Variants in TARS3 observed in about 807,000 individuals in gnomAD.
TARS3 encodes threonine--tRNA ligase 2, cytoplasmic.
Under a neutral mutation model 103.5 loss-of-function variants are expected in TARS3, and 94 were observed. The ratio of observed to expected loss-of-function variants is 0.91; its 90% CI spans 0.77 to 1.08. The LOEUF is 1.08. TARS3 is among the 50% of genes least tolerant of loss of function. The pLI, the probability that TARS3 is intolerant of heterozygous loss-of-function variation, is 0.00. For synonymous variants in TARS3, 416 were observed against 355.4 expected, an observed-to-expected ratio of 1.17 and a Z score of -1.92; for missense variants, 952 against 995.2, an observed-to-expected ratio of 0.96 and a Z score of 0.58.
intron 10 of TARS3, among the ~76,000 whole-genome samples, chr15:101,691,133 G>T (rs1188518724): frequency 6.6e-6 from 1 of 151,228 alleles, no homozygotes; most frequent in African/African-American, 2.4e-5. Flanking sequence ...TAGAGATGGG[G>T]TTTCACCGTA....
chr15:101,671,371 C>T (rs550444127), intron 15 of TARS3, 115 bp downstream of exon 15: 178 of 731,094 alleles, frequency 2.4e-4, no homozygotes, highest in South Asian at 3.3e-4. Flanking sequence ...ATATATATTG[C>T]GTGTATAGCA....
intron 10 of TARS3, among the ~76,000 whole-genome samples, chr15:101,694,744 C>T (rs1040994407): frequency 1.3e-5 from 2 of 152,202 alleles, no homozygotes; most frequent in South Asian, 4.1e-4. Context: ...AGAAAGCTAG[C>T]TTGCCTATGT....
chr15:101,723,157 G>A lies in TARS3; in HGVS notation c.305C>T (p.Pro102Leu). ...AAQEAGAQPP[P>L]SQSQDKDMKK... ...CATGTCCTTGTCTTGGCTTTGACTA[G>A]GAGGAGGCTGAAAGATAAATTATAA... Residue 102 changes from proline (P) to leucine (L), a missense_variant, in exon 2 of 19, where the codon CCT becomes CTT. By Grantham distance (98) the Pro-to-Leu change is moderately conservative. Transcript: ENST00000335968. 4.3e-6 allele frequency: 7 copies of A among 1,613,706 alleles called. No individual in the cohort carries two copies. The highest frequency in any genetic ancestry group is 5.9e-6 in the Non-Finnish European group (7 of 1,179,730).
rs1349806062 is a variant in TARS3 at position 101,684,092 on chromosome 15, A to T, written c.1633T>A (p.Phe545Ile). Residue 545 changes from phenylalanine to isoleucine, a missense_variant, in exon 12 of 19, where the codon TTT (phenylalanine) becomes ATT (isoleucine). Phe to Ile is a conservative substitution (Grantham distance 21). Coordinates refer to ENST00000335968, the MANE Select transcript of TARS3 (RefSeq NM_152334.3). ...TTGTTTACCTGCTCCACTGTGCAAAAAATGTGAGCATCGTCCTGCTGGAAG... is the reference window on the plus strand; with the variant it reads ...TTGTTTACCTGCTCCACTGTGCAAATAATGTGAGCATCGTCCTGCTGGAAG... ...RRFQQDDAHI[F>I]CTVEQIEEEI... 6.2e-7 allele frequency: 1 copy of T among 1,613,134 alleles called. No individual in the cohort carries two copies. The highest frequency in any genetic ancestry group is 1.7e-5 in the Admixed American group (1 of 59,876).
chr15:101,656,846 A>G (rs1372990245), intron 18 of TARS3, 76 bp downstream of exon 18: 2 of 856,542 alleles, frequency 2.3e-6, no homozygotes, highest in East Asian at 2.6e-5. Flanking sequence ...TAGTTGAACC[A>G]TATTTCTTAT....
At position 101,717,713 on chromosome 15, in the gene TARS3, G is replaced by C. The variant is rs186126862; in HGVS notation, c.567-2750C>G. On this transcript the variant is annotated intron_variant, in intron 3 of 18. Transcript: ENST00000335968. ...GTACCAGACAAATCAGCAACAAGAT[G>C]GGAGAAATCTGGGTCCCCAAAAGAC... Among the ~76,000 whole-genome samples the C allele has an allele frequency of 5.1e-3, 773 of 152,330 alleles. 5 individuals carry two copies. The highest frequency in any genetic ancestry group is 7.6e-3 in the Admixed American group (117 of 15,302).
At chr15:101,694,968 C>T (rs1434716218) in intron 10 of TARS3, among the ~76,000 whole-genome samples, 2 of 152,120 alleles carry the variant, frequency 1.3e-5, no homozygotes, top group Admixed American at 6.6e-5. Flanking sequence ...TGGCGAGTTT[C>T]GGATTTGCAA....
Position 101,654,644 on chromosome 15 carries a change from C to T in TARS3, c.2347G>A (p.Ala783Thr). 1.2e-6 allele frequency: 2 copies of T among 1,614,124 alleles called. No individual in the cohort carries two copies. Among genetic ancestry groups the T allele is most frequent in the Non-Finnish European group, 1.7e-6 (2 of 1,179,980 alleles). Residue 783 changes from alanine (A) to threonine (T), a missense_variant, in exon 19 of 19, where the codon GCC (alanine) becomes ACC (threonine). Ala to Thr is a moderately conservative substitution (Grantham distance 58). Coordinates refer to ENST00000335968, the MANE Select transcript of TARS3 (RefSeq NM_152334.3). ...KIHGEILVTS[A>T]IDKLKNLRKT... ...CTGAGATTCTTCAGTTTATCAATGGCAGAAGTTACTAAAATCTCTCCATGA... is the reference window on the plus strand; with the variant it reads ...CTGAGATTCTTCAGTTTATCAATGGTAGAAGTTACTAAAATCTCTCCATGA...
intron 5 of TARS3, among the ~76,000 whole-genome samples, 167 bp from the exon 6 acceptor site, chr15:101,709,077 G>A (rs2141441209): frequency 6.6e-6 from 1 of 152,276 alleles, no homozygotes; most frequent in South Asian, 2.1e-4. Flanking sequence ...GTCTCAGTGA[G>A]GGAGACTGGG....
intron 5 of TARS3, 53 bp downstream of exon 5, chr15:101,711,827 A>G (rs1464548399): frequency 1.5e-5 from 24 of 1,594,834 alleles, no homozygotes; most frequent in Non-Finnish European, 1.7e-6. Context: ...TAACCATTAC[A>G]GAACAATACA....
At chr15:101,666,841 T>C (rs1343945757) in intron 15 of TARS3, among the ~76,000 whole-genome samples, 1 of 152,228 alleles carries the variant, frequency 6.6e-6, no homozygotes, top group Non-Finnish European at 1.5e-5. Context: ...TATAATATAA[T>C]GTTCTCCTCC....
At chr15:101,707,202 T>A (rs1227337607) in intron 6 of TARS3, among the ~76,000 whole-genome samples, 2 of 150,860 alleles carry the variant, frequency 1.3e-5, no homozygotes, top group Non-Finnish European at 3.0e-5. Context: ...TTGGCAAGGA[T>A]GTGGAAAAAC....
At position 101,720,266 on chromosome 15, in the gene TARS3, T is replaced by C. The variant is rs576720966; in HGVS notation, c.566+860A>G. ...ATTTATTTACATGGCATTAATACAATTGTATAGAAGCTATATAATTGTATT... is the reference window on the plus strand; with the variant it reads ...ATTTATTTACATGGCATTAATACAACTGTATAGAAGCTATATAATTGTATT... On this transcript the variant is annotated intron_variant, in intron 3 of 18. Coordinates refer to ENST00000335968, the MANE Select transcript of TARS3 (RefSeq NM_152334.3). Among the ~76,000 whole-genome samples the C allele has an allele frequency of 9.2e-5, 14 of 152,328 alleles. No individual in the cohort carries two copies. In the South Asian group the frequency reaches 2.7e-3, roughly 29 times the overall value.
At chr15:101,684,334 T>C (rs1262736513) in intron 11 of TARS3, 97 bp from the exon 12 acceptor site, 4 of 1,202,256 alleles carry the variant, frequency 3.3e-6, no homozygotes, top group Non-Finnish European at 4.4e-6. Context: ...TCAAGATTCA[T>C]AAACTCCTTA....
At chr15:101,691,290 ATATT>A (rs1216920116) in intron 10 of TARS3, among the ~76,000 whole-genome samples, 15 of 136,436 alleles carry the variant, frequency 1.1e-4, no homozygotes, top group South Asian at 2.6e-4. Flanking sequence ...ATATATATAT[ATATT>A]TTTGAAACAG....
intron 9 of TARS3, 115 bp from the exon 10 acceptor site, chr15:101,701,299 C>A: frequency 1.8e-6 from 1 of 551,102 alleles, no homozygotes; most frequent in Non-Finnish European, 3.1e-6. Flanking sequence ...CATTCCAAGG[C>A]CATTCAACAC....
intron 15 of TARS3, among the ~76,000 whole-genome samples, chr15:101,670,869 G>A (rs561553933): frequency 2.0e-5 from 3 of 152,184 alleles, no homozygotes; most frequent in South Asian, 2.1e-4. Flanking sequence ...ACTGTGCTAC[G>A]TGAAAGAAGC....
At position 101,683,957 on chromosome 15, in the gene TARS3, G is replaced by T; in HGVS notation, c.1650+118C>A. The T allele has an allele frequency of 4.2e-6, 4 of 952,756 alleles. No individual in the cohort carries two copies. The East Asian group carries it at 8.5e-5, about 20-fold the overall frequency. 59.0% of individuals were successfully genotyped at this position (952,756 alleles called of 1,614,324 possible). On this transcript the variant is annotated intron_variant, in intron 12 of 18. Coordinates refer to ENST00000335968, the MANE Select transcript of TARS3 (RefSeq NM_152334.3). ...GAATCACAGCAGGTTAGAGCTGAAT[G>T]AATCTCAGAGACTAGACCAAACGTC...
chr15:101,685,887 A>C lies in TARS3; in HGVS notation c.1487+9T>G. On this transcript the variant is annotated intron_variant, in intron 11 of 18. Coordinates refer to ENST00000335968, the MANE Select transcript of TARS3 (RefSeq NM_152334.3). ...TCATGAAAAGGTCTGCTTCGCTTTT[A>C]ATACTCACCAGTGCCCTGGACAATT... The C allele has an allele frequency of 1.2e-6, 2 of 1,610,672 alleles. No individual in the cohort carries two copies. The highest frequency in any genetic ancestry group is 8.5e-7 in the Non-Finnish European group (1 of 1,177,912).
Sources: gnomAD v4.1 joint callset for allele counts (sites outside exome capture counted in the v4.1 genomes callset) on GRCh38, gnomAD v4.1.1 for gene constraint, MANE v1.5 for transcripts, NCBI Gene and HGNC (gene_info 2026-07-23, HGNC 2026-07-21) for gene names.